Variants in EDEM1 observed in about 807,000 individuals in gnomAD.
EDEM1 encodes the protein ER degradation enhancing alpha-mannosidase like protein 1.
EDEM1 carries 67 observed loss-of-function variants against 74.4 expected under a neutral mutation model. The observed-to-expected ratio is 0.90, with a 90% CI of 0.74 to 1.10. The LOEUF (loss-of-function observed/expected upper bound fraction) is 1.10. Ranked by LOEUF, EDEM1 falls within the 50% of genes least tolerant of loss-of-function variation. The pLI is 0.00. For synonymous variants in EDEM1, 382 were observed against 335.9 expected (o/e 1.14, Z -1.50); for missense variants, 926 against 851.6 (o/e 1.09, Z -1.09).
chr3:5,188,075 TG>T lies in EDEM1; in HGVS notation c.273del (p.Pro92ArgfsTer82). On this transcript the variant is annotated frameshift_variant, in exon 1 of 12. Coordinates refer to ENST00000256497, the MANE Select transcript of EDEM1 (RefSeq NM_014674.3). LOFTEE classifies it high-confidence loss of function. ...GCCCGCGCAAGGCTCCGCGGCGTCC[TG>T]GGCCGGGGATGTGCGGCCCAGCCAA... Reference protein sequence around the residue: ...QSPRKAPRRPGPGMCGPANWG... With the variant: ...QSPRKAPRRPXPGMCGPANWG... The T allele has an allele frequency of 6.8e-7, 1 of 1,474,018 alleles. No individual in the cohort carries two copies. Among genetic ancestry groups the T allele is most frequent in the Non-Finnish European group, 9.0e-7 (1 of 1,111,628 alleles). The allele number at this position is 1,474,018 out of a possible 1,614,324, so 91.3% of individuals were successfully genotyped here.
intron 6 of EDEM1, among the ~76,000 whole-genome samples, chr3:5,206,211 T>C (rs1422119351): frequency 7.7e-6 from 1 of 129,722 alleles, no homozygotes; most frequent in Non-Finnish European, 1.7e-5. Flanking sequence ...CAGATCTTTC[T>C]TTTTTTTTTT....
chr3:5,202,901 C>G (rs975068971), intron 4 of EDEM1, 65 bp from the exon 5 acceptor site: 1 of 1,493,466 alleles, frequency 6.7e-7, no homozygotes, highest in Non-Finnish European at 9.2e-7. Context: ...GTCTCTGAGA[C>G]CCGGCTTTTC....
chr3:5,188,037 G>C lies in EDEM1; in HGVS notation c.232G>C (p.Gly78Arg). 4 of 1,425,136 alleles carry C rather than the reference G, an allele frequency of 2.8e-6. No individual in the cohort carries two copies. The highest frequency in any genetic ancestry group is 1.5e-5 in the South Asian group (1 of 65,692). 88.3% of individuals were successfully genotyped at this position (1,425,136 alleles called of 1,614,324 possible). A position where few individuals can be genotyped will look rare whatever the true frequency, so the allele number is the denominator to read the frequency against. Residue 78 changes from glycine (G) to arginine (R), a missense_variant, in exon 1 of 12, where the codon GGG (glycine) becomes CGG (arginine). Transcript: ENST00000256497. ...GTCGTGGCTGCAGCCGCCGGGGACC[G>C]GGGCAGCGCAGAGCCCGCGCAAGGC... ...GPSWLQPPGTGAAQSPRKAPR... is the reference protein window; with the variant it reads ...GPSWLQPPGTRAAQSPRKAPR...
Position 5,187,888 on chromosome 3 carries a change from G to A in EDEM1, c.83G>A (p.Gly28Glu). ...GTATTGTGGCTCGTCTTCGGGCTGG[G>A]GCCCAGCATGGGCTTCTACCAGCGC... Reference protein sequence around the residue: ...HGVLWLVFGLGPSMGFYQRFP... With the variant: ...HGVLWLVFGLEPSMGFYQRFP... Residue 28 changes from glycine to glutamate, a missense_variant, in exon 1 of 12, where the codon GGG becomes GAG. Transcript: ENST00000256497. 7 of 1,598,004 alleles carry A rather than the reference G, an allele frequency of 4.4e-6. No homozygotes were observed. The highest frequency in any genetic ancestry group is 5.1e-6 in the Non-Finnish European group (6 of 1,174,380).
chr3:5,198,419 A>G (rs1015328138), intron 2 of EDEM1, among the ~76,000 whole-genome samples: 1 of 152,176 alleles, frequency 6.6e-6, no homozygotes, highest in Non-Finnish European at 1.5e-5. Flanking sequence ...ATAGTCACTT[A>G]TGCCTTTGTC....
intron 3 of EDEM1, among the ~76,000 whole-genome samples, chr3:5,201,488 A>G (rs767618566): frequency 3.3e-5 from 5 of 152,142 alleles, no homozygotes; most frequent in Non-Finnish European, 7.3e-5. Flanking sequence ...TAGATTACCA[A>G]AATTGTTACT....
At chr3:5,194,985 T>C in intron 1 of EDEM1, 1 of 333,950 alleles carries the variant, frequency 3.0e-6, no homozygotes, top group Non-Finnish European at 5.4e-6. Flanking sequence ...CTTTCCACTC[T>C]GGTACAAGTG....
intron 10 of EDEM1, among the ~76,000 whole-genome samples, chr3:5,212,258 T>C (rs1455790580): frequency 6.6e-6 from 1 of 152,210 alleles, no homozygotes; most frequent in East Asian, 1.9e-4. Context: ...CTGGGGTCTT[T>C]TCACAGATGA....
At chr3:5,199,369 A>C (rs1236600950) in intron 2 of EDEM1, among the ~76,000 whole-genome samples, 4 of 152,218 alleles carry the variant, frequency 2.6e-5, no homozygotes, top group African/African-American at 9.6e-5. Context: ...TTATTTTCAC[A>C]GTTTTGTCCT....
Position 5,188,268 on chromosome 3 carries a change from C to T in EDEM1, c.463C>T (p.Leu155Phe). 6.4e-7 allele frequency: 1 copy of T among 1,567,760 alleles called. No homozygotes were observed. The highest frequency in any genetic ancestry group is 1.2e-5 in the South Asian group (1 of 86,282). The stretch of plus-strand genomic sequence containing the variant: ...GGCTCACGCCTTCCCCCAGGACGAG[C>T]TCAACCCCATCCACTGCCGCGGCCG... ...YMAHAFPQDE[L>F]NPIHCRGRGP... The change falls in exon 1 of 12, where the codon CTC becomes TTC. Residue 155 changes from leucine (L) to phenylalanine (F), a missense_variant. Physicochemically the swap from Leu to Phe is conservative, Grantham distance 22. Coordinates refer to ENST00000256497, the MANE Select transcript of EDEM1 (RefSeq NM_014674.3).
chr3:5,192,541 T>C (rs1365222586), intron 1 of EDEM1, among the ~76,000 whole-genome samples: 6 of 152,154 alleles, frequency 3.9e-5, no homozygotes, highest in Non-Finnish European at 5.9e-5. Context: ...AGTGGAGCGT[T>C]TAGTTGTGCG....
rs901641109 is a variant in EDEM1 at position 5,201,034 on chromosome 3, C to G, written c.687-719C>G. 4.0e-5 allele frequency among the ~76,000 whole-genome samples: 6 copies of G among 151,720 alleles called. No homozygotes were observed. In the East Asian group the frequency reaches 5.8e-4, roughly 15 times the overall value. On this transcript the variant is annotated intron_variant, in intron 3 of 11. Coordinates refer to ENST00000256497, the MANE Select transcript of EDEM1 (RefSeq NM_014674.3). ...ACCTCAGCCTCCCAAATAGCTGGGA[C>G]TACAGGCAAATGTCACCATGCCCAG...
intron 8 of EDEM1, among the ~76,000 whole-genome samples, chr3:5,208,776 C>T (rs1353935348): frequency 6.6e-6 from 1 of 151,416 alleles, no homozygotes; most frequent in African/African-American, 2.4e-5. Context: ...TATATACACA[C>T]ACACACACAC....
intron 1 of EDEM1, among the ~76,000 whole-genome samples, chr3:5,190,665 G>A (rs547833083): frequency 1.1e-4 from 16 of 152,320 alleles, no homozygotes; most frequent in African/African-American, 3.8e-4. Context: ...GAGGGTTTTA[G>A]AAGTATTGAG....
chr3:5,195,524 C>T (rs548105316), intron 2 of EDEM1, among the ~76,000 whole-genome samples: 2 of 151,914 alleles, frequency 1.3e-5, no homozygotes, highest in African/African-American at 2.4e-5. Context: ...TTTTAGGGAA[C>T]CTATTTTTTT....
chr3:5,215,972 C>A lies in EDEM1; in HGVS notation c.*54C>A. On this transcript the variant is annotated 3_prime_UTR_variant, in exon 12 of 12. Transcript: ENST00000256497. Reference sequence around the variant, plus strand: ...CCAGACCTTAACGACCAAACCCAGACCATGCCAAAGTCCAGTCTGAAATGA... The same window carrying A: ...CCAGACCTTAACGACCAAACCCAGAACATGCCAAAGTCCAGTCTGAAATGA... 1 of 1,479,234 alleles carries A rather than the reference C, an allele frequency of 6.8e-7. No individual in the cohort carries two copies. The allele number at this position is 1,479,234 out of a possible 1,614,324, so 91.6% of individuals were successfully genotyped here.
At chr3:5,214,604 G>A (rs2055208316) in intron 11 of EDEM1, among the ~76,000 whole-genome samples, 1 of 152,142 alleles carries the variant, frequency 6.6e-6, no homozygotes, top group South Asian at 2.1e-4. Flanking sequence ...CATTCTAAAC[G>A]CTTACGTACA....
intron 2 of EDEM1, among the ~76,000 whole-genome samples, chr3:5,195,618 AG>A (rs1199773914): frequency 6.6e-6 from 1 of 152,232 alleles, no homozygotes; most frequent in Non-Finnish European, 1.5e-5. Flanking sequence ...CTATTCCAGG[AG>A]TAAAAGAGAG....
At chr3:5,206,027 A>C (rs532311700) in intron 6 of EDEM1, among the ~76,000 whole-genome samples, 1 of 152,232 alleles carries the variant, frequency 6.6e-6, no homozygotes, top group East Asian at 1.9e-4. Context: ...TTTACAAAGA[A>C]CTGTTAGGAT....
Sources: gnomAD v4.1 joint callset for allele counts (sites outside exome capture counted in the v4.1 genomes callset) on GRCh38, gnomAD v4.1.1 for gene constraint, MANE v1.5 for transcripts, NCBI Gene and HGNC (gene_info 2026-07-23, HGNC 2026-07-21) for gene names.